BRF1: variants seen among roughly 807,000 people sequenced by gnomAD.
BRF1 encodes transcription factor IIIB 90 kDa subunit.
A neutral mutation model predicts 81.7 loss-of-function variants in BRF1; 59 were observed. The observed-to-expected ratio is 0.72, with a 90% CI of 0.59 to 0.90. The LOEUF (loss-of-function observed/expected upper bound fraction) is 0.90, where lower values mean the gene tolerates loss of function less well. Ranked by LOEUF, BRF1 falls within the 40% of genes least tolerant of loss-of-function variation. The pLI, the probability that BRF1 is intolerant of heterozygous loss-of-function variation, is 0.00. For missense variants in BRF1, 1,050 were observed against 936.3 expected, an observed-to-expected ratio of 1.12 and a Z score of -1.58; for synonymous variants, 491 against 395.6, an observed-to-expected ratio of 1.24 and a Z score of -2.86.
At chr14:105,281,148 A>C (rs2057077572) in intron 2 of BRF1, among the ~76,000 whole-genome samples, 1 of 146,216 alleles carries the variant, frequency 6.8e-6, no homozygotes, top group Non-Finnish European at 1.5e-5. Context: ...GTGTGGATAC[A>C]GGCTGCGTGA....
At chr14:105,223,251 C>T (rs1250099234) in intron 10 of BRF1, among the ~76,000 whole-genome samples, 1 of 152,190 alleles carries the variant, frequency 6.6e-6, no homozygotes, top group Non-Finnish European at 1.5e-5. Context: ...TTTCACTCCT[C>T]AGCAATTGAC....
intron 1 of BRF1, chr14:105,314,858 G>T (rs1299800338): frequency 2.5e-6 from 2 of 802,848 alleles, no homozygotes; most frequent in African/African-American, 1.9e-5. Context: ...CGGCCCGCCC[G>T]CCGCGCGTCC....
chr14:105,223,896 C>T (rs771347857), intron 10 of BRF1, among the ~76,000 whole-genome samples: 2 of 152,242 alleles, frequency 1.3e-5, no homozygotes, highest in East Asian at 1.9e-4. Context: ...CCTTGAGCTA[C>T]GTGTTCATTT....
intron 5 of BRF1, chr14:105,248,166 C>A (rs988485714): frequency 1.0e-6 from 1 of 985,500 alleles, no homozygotes; most frequent in Non-Finnish European, 1.2e-6. Context: ...GCGCTCTCTG[C>A]AAGCGCTGGC....
intron 2 of BRF1, among the ~76,000 whole-genome samples, chr14:105,280,301 T>C (rs759973462): frequency 2.0e-5 from 3 of 152,202 alleles, no homozygotes; most frequent in Non-Finnish European, 4.4e-5. Flanking sequence ...GGATGCACAG[T>C]GTGCAACTCC....
Position 105,281,759 on chromosome 14 carries a change from A to T in BRF1, c.265+4537T>A, listed in dbSNP as rs587606377. 3.8e-3 allele frequency among the ~76,000 whole-genome samples: 564 copies of T among 148,834 alleles called. 7 individuals are homozygous for T. Among genetic ancestry groups the T allele is most frequent in the African/African-American group, 0.012 (495 of 40,510 alleles). On this transcript the variant is annotated intron_variant, in intron 2 of 17. Transcript: ENST00000547530. ...AATTACAAGTCTTTTTTTTTTTTTT[A>T]AATTCCTTTCTATATGATTCCCACT...
At chr14:105,255,233 C>T (rs1027561094) in intron 4 of BRF1, among the ~76,000 whole-genome samples, 2 of 152,254 alleles carry the variant, frequency 1.3e-5, no homozygotes, top group Non-Finnish European at 2.9e-5. Flanking sequence ...GGGGTTGGAA[C>T]CAGGGTCATG....
intron 15 of BRF1, among the ~76,000 whole-genome samples, chr14:105,214,588 G>A (rs1890761990): frequency 6.7e-6 from 1 of 149,994 alleles, no homozygotes; most frequent in Non-Finnish European, 1.5e-5. Context: ...CTGTCATCAG[G>A]GGAAGCATGC....
At chr14:105,311,013 C>A (rs1221895431) in intron 1 of BRF1, among the ~76,000 whole-genome samples, 1 of 151,644 alleles carries the variant, frequency 6.6e-6, no homozygotes, top group African/African-American at 2.4e-5. Flanking sequence ...AGTGCAGTGG[C>A]ACAATCTTGG....
chr14:105,211,001 T>A, intron 17 of BRF1, 121 bp downstream of exon 17: 1 of 1,488,016 alleles, frequency 6.7e-7, no homozygotes, highest in Non-Finnish European at 9.0e-7. Context: ...TTCAAATTTC[T>A]TTCCAGGGAG....
chr14:105,252,054 C>T (rs1433003162), intron 5 of BRF1, among the ~76,000 whole-genome samples: 1 of 152,162 alleles, frequency 6.6e-6, no homozygotes, highest in Non-Finnish European at 1.5e-5. Context: ...CCAGAGGCAC[C>T]TGGAGCCAGG....
rs144938112 is a variant in BRF1, at chr14:105,280,491, G to A, written c.265+5805C>T. On this transcript the variant is annotated intron_variant, in intron 2 of 17. Transcript: ENST00000547530. Reference sequence around the variant, plus strand: ...CATCTAAACCCATAGAACACGCACCGCCCAGCGTGAGCCTGGGTGTGTGGT... The same window carrying A: ...CATCTAAACCCATAGAACACGCACCACCCAGCGTGAGCCTGGGTGTGTGGT... 2.7e-3 allele frequency among the ~76,000 whole-genome samples: 410 copies of A among 152,380 alleles called. 1 individual carries two copies. Among genetic ancestry groups the A allele is most frequent in the Middle Eastern group, 6.8e-3 (2 of 294 alleles).
At chr14:105,219,649 G>C (rs920674307) in intron 12 of BRF1, 13 of 398,982 alleles carry the variant, frequency 3.3e-5, no homozygotes, top group African/African-American at 1.4e-4. Flanking sequence ...GCCTGACAGA[G>C]GGCAAGTATA....
At chr14:105,307,219 T>C (rs2058216256) in intron 1 of BRF1, among the ~76,000 whole-genome samples, 1 of 152,014 alleles carries the variant, frequency 6.6e-6, no homozygotes, top group Non-Finnish European at 1.5e-5. Context: ...GAGCATACCT[T>C]TGATATGCAG....
intron 6 of BRF1, 60 bp from the exon 7 acceptor site, chr14:105,228,973 G>A (rs765503685): frequency 2.6e-5 from 39 of 1,505,344 alleles, no homozygotes; most frequent in Non-Finnish European, 3.2e-5. Context: ...AACATCTGTG[G>A]CGGCCCAGGA....
chr14:105,309,665 C>T lies in BRF1; in HGVS notation c.-162+5657G>A, dbSNP rs931901651. Among the ~76,000 whole-genome samples, 7 of 151,854 alleles carry T rather than the reference C, an allele frequency of 4.6e-5. No homozygotes were observed. The highest frequency in any genetic ancestry group is 1.9e-4 in the East Asian group (1 of 5,148). ...CTGTGTGAGGGAGCTGCGCTGCCTG[C>T]GCCCAACCCAGGAGGGGAGCAGCGT... On this transcript the variant is annotated intron_variant, in intron 1 of 17. Transcript: ENST00000327359. The surrounding 1 kb of genome is among the most constrained non-coding windows in gnomAD (Gnocchi z 4.0).
intron 2 of BRF1, among the ~76,000 whole-genome samples, chr14:105,274,312 C>T (rs1472414639): frequency 6.6e-6 from 1 of 152,190 alleles, no homozygotes; most frequent in Non-Finnish European, 1.5e-5. Flanking sequence ...ACTGAGGGAA[C>T]TCAGAGACCG....
At chr14:105,304,093 T>G (rs190660636), upstream of BRF1, among the ~76,000 whole-genome samples, 32 of 152,300 alleles carry the variant, frequency 2.1e-4, no homozygotes, top group East Asian at 5.4e-3. Flanking sequence ...GCCACAGCGG[T>G]GCAGGACAGT....
chr14:105,278,412 G>A (rs1347796370), intron 2 of BRF1, among the ~76,000 whole-genome samples: 1 of 145,306 alleles, frequency 6.9e-6, no homozygotes, highest in Non-Finnish European at 1.5e-5. Flanking sequence ...AGCCTGGGCA[G>A]CAAGAGAGCG....
Sources: gnomAD v4.1 joint callset for allele counts (sites outside exome capture counted in the v4.1 genomes callset) on GRCh38, gnomAD v4.1.1 for gene constraint, Gnocchi (gnomAD v3.1) non-coding constraint, MANE v1.5 for transcripts, NCBI Gene and HGNC (gene_info 2026-07-23, HGNC 2026-07-21) for gene names.